Variants in KIF26B observed in about 807,000 individuals in gnomAD.
KIF26B encodes kinesin-like protein KIF26B.
KIF26B carries 63 observed loss-of-function variants against 151.2 expected under a neutral mutation model. The ratio of observed to expected loss-of-function variants is 0.42; its 90% confidence interval spans 0.34 to 0.51. The LOEUF (loss-of-function observed/expected upper bound fraction) is 0.51. Ranked by LOEUF, KIF26B falls within the 20% of genes least tolerant of loss-of-function variation. KIF26B has a pLI of 0.07. For missense variants in KIF26B, 2,813 were observed against 2,913.6 expected (o/e 0.97, Z 0.79); for synonymous variants, 1,357 against 1,262.1 (o/e 1.08, Z -1.59).
chr1:245,212,634 C>T (rs115804778), intron 2 of KIF26B, among the ~76,000 whole-genome samples: 2,327 of 152,186 alleles, frequency 0.015, 44 homozygotes, highest in Admixed American at 0.048. Flanking sequence ...GTTTGCCTGC[C>T]GGCATGAGTT....
Position 245,607,701 on chromosome 1 carries a change from C to T in KIF26B, c.1608C>T (p.Asn536=), listed in dbSNP as rs766706507. The T allele has an allele frequency of 4.0e-5, 65 of 1,612,916 alleles. No individual in the cohort carries two copies. Among genetic ancestry groups the T allele is most frequent in the Non-Finnish European group, 5.1e-5 (60 of 1,179,560 alleles). ...CAGAGGTGATCCAGTCTGTGGTCAA[C>T]GGGGCAGATGGCTGCGTGTTCTGTT... ...TVAEVIQSVV[N]GADGCVFCFG... Residue 536 remains asparagine (N), a synonymous_variant, in exon 7 of 15, where the codon AAC becomes AAT. Transcript: ENST00000407071.
chr1:245,160,004 A>G (rs1021637905), intron 2 of KIF26B, among the ~76,000 whole-genome samples: 16 of 152,256 alleles, frequency 1.1e-4, no homozygotes, highest in Admixed American at 5.2e-4. Flanking sequence ...TTTTCCATGC[A>G]GCGAGTCTGA....
At chr1:245,610,888 T>G (rs2043513453) in intron 8 of KIF26B, among the ~76,000 whole-genome samples, 1 of 152,220 alleles carries the variant, frequency 6.6e-6, no homozygotes, top group South Asian at 2.1e-4. Flanking sequence ...TCAAAATTAT[T>G]TGTATAGTTA....
intron 2 of KIF26B, among the ~76,000 whole-genome samples, chr1:245,363,098 G>A (rs1672860718): frequency 6.6e-6 from 1 of 152,168 alleles, no homozygotes; most frequent in South Asian, 2.1e-4. Context: ...AGAGGACATG[G>A]CCCTAGTCCA....
chr1:245,303,189 T>C (rs890516540), intron 2 of KIF26B, among the ~76,000 whole-genome samples: 1 of 143,662 alleles, frequency 7.0e-6, no homozygotes, highest in Non-Finnish European at 1.5e-5. Flanking sequence ...TGAACTAAAC[T>C]AAATGTTCTT....
intron 2 of KIF26B, among the ~76,000 whole-genome samples, chr1:245,315,472 A>G (rs1671750630): frequency 6.6e-6 from 1 of 152,054 alleles, no homozygotes; most frequent in African/African-American, 2.4e-5. Context: ...CTGTAATCCC[A>G]GCACTTTGGG....
Position 245,702,890 on chromosome 1 carries a change from G to T in KIF26B, c.*284G>T. ...TTGAGGAACCTTAAAGACCTTGTTT[G>T]TACATAAGAACTGCTAGCAAAAGAG... On this transcript the variant is annotated 3_prime_UTR_variant, in exon 15 of 15. Coordinates refer to ENST00000407071, the MANE Select transcript of KIF26B (RefSeq NM_018012.4). The surrounding 1 kb of genome is among the most constrained non-coding windows in gnomAD (Gnocchi z 4.1). 1 of 358,398 alleles carries T rather than the reference G, an allele frequency of 2.8e-6. No homozygotes were observed. The highest frequency in any genetic ancestry group is 5.0e-6 in the Non-Finnish European group (1 of 199,862). 22.2% of individuals were successfully genotyped at this position (358,398 alleles called of 1,614,324 possible). A position where few individuals can be genotyped will look rare whatever the true frequency, so the allele number is the denominator to read the frequency against.
At position 245,204,665 on chromosome 1, in the gene KIF26B, C is replaced by T. The variant is rs184865356; in HGVS notation, c.465+47982C>T. 1.7e-3 allele frequency among the ~76,000 whole-genome samples: 265 copies of T among 152,236 alleles called. 1 individual carries two copies. The highest frequency in any genetic ancestry group is 6.1e-3 in the African/African-American group (254 of 41,542). On this transcript the variant is annotated intron_variant, in intron 2 of 14. Coordinates refer to ENST00000407071, the MANE Select transcript of KIF26B (RefSeq NM_018012.4). Reference sequence around the variant, plus strand: ...CTGGGATTACAGGCGTGAGCCACCACGCCTGGCTGTTGTAAGGATCTCTTA... The same window carrying T: ...CTGGGATTACAGGCGTGAGCCACCATGCCTGGCTGTTGTAAGGATCTCTTA...
At chr1:245,684,567 G>A (rs1390772445) in intron 11 of KIF26B, among the ~76,000 whole-genome samples, 172 bp downstream of exon 11, 3 of 152,152 alleles carry the variant, frequency 2.0e-5, no homozygotes, top group Non-Finnish European at 4.4e-5. Flanking sequence ...GGAAACCTTG[G>A]GGCTGATACA....
Position 245,688,553 on chromosome 1 carries a change from C to T in KIF26B, c.5570C>T (p.Pro1857Leu). 6.5e-7 allele frequency: 1 copy of T among 1,545,644 alleles called. No individual in the cohort carries two copies. Residue 1857 changes from proline (P) to leucine (L), a missense_variant, in exon 12 of 15, where the codon CCG becomes CTG. Pro to Leu is a moderately conservative substitution (Grantham distance 98). Around this residue, in one of 3 missense-constraint regions of KIF26B, gnomAD observed 2,060 missense variants for 2,088.6 expected, o/e 0.99. Coordinates refer to ENST00000407071, the MANE Select transcript of KIF26B (RefSeq NM_018012.4). ...LPSPYSKITP[P>L]RRPHRCSSGH... The stretch of plus-strand genomic sequence containing the variant: ...TCGCCCTACAGCAAGATCACGCCCC[C>T]GCGGAGGCCCCACCGCTGCAGCAGC...
At chr1:245,209,626 G>T (rs1669474271) in intron 2 of KIF26B, among the ~76,000 whole-genome samples, 1 of 152,196 alleles carries the variant, frequency 6.6e-6, no homozygotes, top group Non-Finnish European at 1.5e-5. Context: ...CTGGCCTGGA[G>T]CATGAGAGAT....
At chr1:245,525,905 T>C (rs1172661496) in intron 4 of KIF26B, among the ~76,000 whole-genome samples, 1 of 151,730 alleles carries the variant, frequency 6.6e-6, no homozygotes, top group African/African-American at 2.4e-5. Context: ...CTTAAAATAA[T>C]GTAATTTTGC....
chr1:245,229,577 C>T (rs1012469858), intron 2 of KIF26B, among the ~76,000 whole-genome samples: 3 of 152,164 alleles, frequency 2.0e-5, no homozygotes, highest in Non-Finnish European at 4.4e-5. Flanking sequence ...CTTGGCCATC[C>T]TGTTGTTCAT....
intron 2 of KIF26B, among the ~76,000 whole-genome samples, chr1:245,184,050 G>GGTTTTTTTTTTTTTTTTTTTTTTTTTT (rs1668953825): frequency 5.0e-5 from 1 of 19,804 alleles, no homozygotes; most frequent in African/African-American, 1.5e-4. Flanking sequence ...GGGAGTTGTT[G>GGTTTTTTTTTTTTTTTTTTTTTTTTTT]TTTTTTTTTT....
At chr1:245,553,970 T>A (rs539759362) in intron 5 of KIF26B, among the ~76,000 whole-genome samples, 1 of 152,312 alleles carries the variant, frequency 6.6e-6, no homozygotes, top group African/African-American at 2.4e-5. Flanking sequence ...CCATCGTGGC[T>A]TTCTTCCTTG....
At chr1:245,658,988 T>G (rs1169146422) in intron 10 of KIF26B, among the ~76,000 whole-genome samples, 4 of 151,996 alleles carry the variant, frequency 2.6e-5, no homozygotes, top group Non-Finnish European at 5.9e-5. Context: ...TCCCAGCACT[T>G]CAGGAAGCCA....
intron 2 of KIF26B, among the ~76,000 whole-genome samples, chr1:245,295,318 A>G (rs536626498): frequency 3.6e-4 from 55 of 152,328 alleles, no homozygotes; most frequent in African/African-American, 1.3e-3. Flanking sequence ...TTTTCACAAA[A>G]TGGAACCGGT....
At chr1:245,646,751 A>G (rs981157228) in intron 10 of KIF26B, among the ~76,000 whole-genome samples, 2 of 152,218 alleles carry the variant, frequency 1.3e-5, no homozygotes, top group Admixed American at 1.3e-4. Context: ...CCAACATTGC[A>G]TGGGACGCTC....
Position 245,488,828 on chromosome 1 carries a change from T to C in KIF26B, c.1167-51939T>C, listed in dbSNP as rs1484999894. On this transcript the variant is annotated intron_variant, in intron 4 of 14. Transcript: ENST00000407071. This position sits in a 1 kb window ranked among gnomAD's most constrained non-coding sequence, Gnocchi z 4.6. ...TTAAGAGGTTAATTTTGTGAGTGAGTCCTTAATAACAGAGGGACCAAGACT... is the reference window on the plus strand; with the variant it reads ...TTAAGAGGTTAATTTTGTGAGTGAGCCCTTAATAACAGAGGGACCAAGACT... 6.6e-6 allele frequency among the ~76,000 whole-genome samples: 1 copy of C among 152,084 alleles called. No individual in the cohort carries two copies. The highest frequency in any genetic ancestry group is 1.5e-5 in the Non-Finnish European group (1 of 68,016).
Sources: gnomAD v4.1 joint callset for allele counts (sites outside exome capture counted in the v4.1 genomes callset) on GRCh38, gnomAD v4.1.1 for gene constraint, gnomAD v4.1.1 regional missense constraint, Gnocchi (gnomAD v3.1) non-coding constraint, MANE v1.5 for transcripts, NCBI Gene and HGNC (gene_info 2026-07-23, HGNC 2026-07-21) for gene names.